LOC128462377: variants seen among roughly 807,000 people sequenced by gnomAD.
chr16:89,330,766 C>T, the LOC128462377 span, among the ~76,000 whole-genome samples: 10 of 150,730 alleles, frequency 6.6e-5, no homozygotes, highest in South Asian at 2.1e-3. Context: ...GAGTTCCAAC[C>T]TCTAGCCCAC....
At chr16:89,374,527 T>C in the LOC128462377 span, among the ~76,000 whole-genome samples, 2 of 152,174 alleles carry the variant, frequency 1.3e-5, no homozygotes, top group Non-Finnish European at 2.9e-5. Context: ...TCAGAGCCGA[T>C]GGCCTCTGCC....
At chr16:89,388,004 C>G in the LOC128462377 span, among the ~76,000 whole-genome samples, 7 of 147,188 alleles carry the variant, frequency 4.8e-5, no homozygotes, top group South Asian at 1.3e-3. Flanking sequence ...CAGAGCAAGA[C>G]TCCATCTCAA....
the LOC128462377 span, among the ~76,000 whole-genome samples, chr16:89,358,017 C>T: frequency 1.3e-5 from 2 of 152,254 alleles, no homozygotes; most frequent in African/African-American, 2.4e-5. Flanking sequence ...GTAAATGCTT[C>T]CTTTCCAAAG....
At chr16:89,326,324 C>T in the LOC128462377 span, among the ~76,000 whole-genome samples, 1 of 152,124 alleles carries the variant, frequency 6.6e-6, no homozygotes, top group Non-Finnish European at 1.5e-5. Context: ...GGGTGTCACG[C>T]ACCGTTGCTG....
At chr16:89,379,776 G>A in the LOC128462377 span, among the ~76,000 whole-genome samples, 8 of 152,212 alleles carry the variant, frequency 5.3e-5, no homozygotes, top group Non-Finnish European at 8.8e-5. Flanking sequence ...TGAGTACAAC[G>A]GGCAAAGAAG....
the LOC128462377 span, among the ~76,000 whole-genome samples, chr16:89,368,643 C>T: frequency 6.7e-6 from 1 of 150,294 alleles, no homozygotes; most frequent in Non-Finnish European, 1.5e-5. Flanking sequence ...TGCCATGGCT[C>T]ACATCTGTAA....
At chr16:89,396,926 A>T in the LOC128462377 span, among the ~76,000 whole-genome samples, 1 of 146,760 alleles carries the variant, frequency 6.8e-6, no homozygotes, top group African/African-American at 2.5e-5. Context: ...ACCTCAGGTG[A>T]TCCAGCTGCC....
At chr16:89,333,831 C>A in the LOC128462377 span, among the ~76,000 whole-genome samples, 1 of 152,092 alleles carries the variant, frequency 6.6e-6, no homozygotes. Flanking sequence ...GGGGGCACTG[C>A]ACACCATCAC....
the LOC128462377 span, among the ~76,000 whole-genome samples, chr16:89,364,856 G>C: frequency 6.6e-6 from 1 of 152,198 alleles, no homozygotes; most frequent in African/African-American, 2.4e-5. Context: ...TCCCACTGCA[G>C]ATGTTCCAAC....
chr16:89,358,603 A>T, the LOC128462377 span, among the ~76,000 whole-genome samples: 3 of 152,226 alleles, frequency 2.0e-5, no homozygotes, highest in African/African-American at 7.2e-5. Flanking sequence ...CAAAAACTTT[A>T]AAAATAATAA....
chr16:89,403,919 T>C, the LOC128462377 span, among the ~76,000 whole-genome samples: 2 of 152,028 alleles, frequency 1.3e-5, no homozygotes, highest in South Asian at 2.1e-4. Flanking sequence ...GCAAGACTTG[T>C]CTCTTAAAAA....
chr16:89,369,667 G>T, the LOC128462377 span, among the ~76,000 whole-genome samples: 4 of 152,188 alleles, frequency 2.6e-5, no homozygotes, highest in East Asian at 7.7e-4. Context: ...TGACGCAAGG[G>T]TTTTAAGGTC....
chr16:89,386,015 G>C, the LOC128462377 span, among the ~76,000 whole-genome samples: 1 of 152,256 alleles, frequency 6.6e-6, no homozygotes, highest in Non-Finnish European at 1.5e-5. Context: ...AGGTAGCTGG[G>C]ACCACGGGTG....
the LOC128462377 span, among the ~76,000 whole-genome samples, chr16:89,406,627 G>A: frequency 5.3e-5 from 8 of 152,206 alleles, no homozygotes; most frequent in Admixed American, 6.5e-5. Context: ...AAGGCCCAGG[G>A]CAGGACATCA....
the LOC128462377 span, among the ~76,000 whole-genome samples, chr16:89,403,372 A>G: frequency 6.9e-4 from 105 of 152,234 alleles, 5 homozygotes; most frequent in South Asian, 0.021. Flanking sequence ...GGAGGAGCTC[A>G]TCTGTCTGAG....
the LOC128462377 span, among the ~76,000 whole-genome samples, chr16:89,411,831 CA>C: frequency 6.6e-6 from 1 of 152,210 alleles, no homozygotes; most frequent in Admixed American, 6.5e-5. Context: ...GAATTCTCAG[CA>C]GAACTTGAGG....
At chr16:89,397,097 TAC>T in the LOC128462377 span, among the ~76,000 whole-genome samples, 1 of 152,206 alleles carries the variant, frequency 6.6e-6, no homozygotes, top group African/African-American at 2.4e-5. Context: ...GGAATTGGTA[TAC>T]AGACATTTTC....
At chr16:89,320,003 C>G in the LOC128462377 span, 1 of 152,442 alleles carries the variant, frequency 6.6e-6, no homozygotes, top group South Asian at 2.1e-4. Flanking sequence ...CAGAGCCAGC[C>G]GAGGGCCGAG....
At chr16:89,320,659 A>C in the LOC128462377 span, among the ~76,000 whole-genome samples, 1 of 152,086 alleles carries the variant, frequency 6.6e-6, no homozygotes, top group Admixed American at 6.5e-5. Context: ...ACACTCCCTG[A>C]AGCAGAAGCC....
Sources: allele counts gnomAD v4.1 joint callset (sites outside exome capture counted in the v4.1 genomes callset), GRCh38; gene constraint gnomAD v4.1.1; transcripts MANE v1.5.